RNASEK: variants seen among roughly 807,000 people sequenced by gnomAD.
RNASEK encodes the protein ribonuclease K, also known as ribonuclease kappa.
Under a neutral mutation model 11.2 loss-of-function variants are expected in RNASEK, and 7 were observed. The observed-to-expected ratio is 0.62, with a 90% CI of 0.35 to 1.17. The LOEUF (loss-of-function observed/expected upper bound fraction) is 1.17. Among genes scored for constraint, RNASEK ranks in the 50% most tolerant of loss-of-function variants. The probability of loss-of-function intolerance (pLI) is 0.02; values close to 1 mark genes in which losing one functional copy is unlikely to be tolerated. For missense variants in RNASEK, 101 were observed against 126.7 expected, an observed-to-expected ratio of 0.80 and a Z score of 0.97; for synonymous variants, 46 against 49.5, an observed-to-expected ratio of 0.93 and a Z score of 0.30.
At chr17:7,013,510 G>C (rs550820234) in intron 1 of RNASEK, 156 bp from the exon 2 acceptor site, 10 of 1,584,256 alleles carry the variant, frequency 6.3e-6, no homozygotes, top group Non-Finnish European at 8.6e-6. Flanking sequence ...CTCACGCCCT[G>C]TTCCAGGTGG....
At position 7,014,361 on chromosome 17, in the gene RNASEK, C is replaced by A; in HGVS notation, c.*75C>A. On this transcript the variant is annotated 3_prime_UTR_variant, in exon 3 of 3. Coordinates refer to ENST00000593646, the MANE Select transcript of RNASEK (RefSeq NM_001004333.5). The surrounding 1 kb of genome is among the most constrained non-coding windows in gnomAD (Gnocchi z 4.5). The stretch of plus-strand genomic sequence containing the variant: ...CTGCACCGTGTCACCCAGGTCGCGT[C>A]CCACCCTTGCCGGCGCCCTCTGCGG... 1 of 1,515,498 alleles carries A rather than the reference C, an allele frequency of 6.6e-7. No homozygotes were observed. The highest frequency in any genetic ancestry group is 9.0e-7 in the Non-Finnish European group (1 of 1,105,688). 93.9% of individuals were successfully genotyped at this position (1,515,498 alleles called of 1,614,324 possible). A position where few individuals can be genotyped will look rare whatever the true frequency, so the allele number is the denominator to read the frequency against.
intron 2 of RNASEK, 190 bp from the exon 3 acceptor site, chr17:7,013,955 A>G (rs1452370256): frequency 1.7e-5 from 12 of 696,260 alleles, no homozygotes; most frequent in Non-Finnish European, 2.9e-5. Flanking sequence ...CTCTTTAGGT[A>G]TTTTACTTTT....
At chr17:7,013,153 C>CGGAGGGCCCTGGAGT (rs1341285170) in intron 1 of RNASEK, 1 of 513,862 alleles carries the variant, frequency 1.9e-6, no homozygotes, top group Non-Finnish European at 3.4e-6. Context: ...GGAACTGGAG[C>CGGAGGGCCCTGGAGT]GGAGGGCCCT....
Position 7,013,692 on chromosome 17 carries a change from C to G in RNASEK, c.105C>G (p.Val35=). The change falls in exon 2 of 3, where the codon GTC becomes GTG. Residue 35 remains valine (V), a synonymous_variant. Coordinates refer to ENST00000593646, the MANE Select transcript of RNASEK (RefSeq NM_001004333.5). ...TAATGCTCGGAATATTTTTCAATGT[C>G]CATTCCGCTGTGTTGATTGAGGACG... ...MLIMLGIFFN[V]HSAVLIEDVP... The G allele has an allele frequency of 6.2e-7, 1 of 1,613,760 alleles. No homozygotes were observed. The highest frequency in any genetic ancestry group is 8.5e-7 in the Non-Finnish European group (1 of 1,179,662).
chr17:7,013,795 C>A (rs1437969202), intron 2 of RNASEK, 53 bp downstream of exon 2: 2 of 1,372,238 alleles, frequency 1.5e-6, no homozygotes, highest in Non-Finnish European at 2.1e-6. Flanking sequence ...GGTGGCGAGG[C>A]CTAGGGTCAG....
chr17:7,013,172 A>G (rs1054680940), intron 1 of RNASEK: 8 of 566,168 alleles, frequency 1.4e-5, no homozygotes, highest in African/African-American at 7.6e-5. Context: ...CTGGAGTGGG[A>G]GGAGCCAGGG....
chr17:7,013,642 A>C (rs752902976), intron 1 of RNASEK, 24 bp from the exon 2 acceptor site: 22 of 1,608,336 alleles, frequency 1.4e-5, no homozygotes, highest in East Asian at 8.9e-5. Context: ...TGAATTCAAC[A>C]GTCTACCCAT....
intron 1 of RNASEK, 52 bp downstream of exon 1, chr17:7,012,813 G>A (rs1356210252): frequency 1.3e-6 from 2 of 1,528,976 alleles, no homozygotes. Flanking sequence ...GCTCCGGGCT[G>A]GGAGGGCTGG....
rs899226622 is a variant in RNASEK, at chr17:7,014,043, G to A, written c.156-102G>A. 1 of 1,089,080 alleles carries A rather than the reference G, an allele frequency of 9.2e-7. No homozygotes were observed. Among genetic ancestry groups the A allele is most frequent in the Non-Finnish European group, 1.4e-6 (1 of 738,420 alleles). The allele number at this position is 1,089,080 out of a possible 1,614,324, so 67.5% of individuals were successfully genotyped here. A position where few individuals can be genotyped will look rare whatever the true frequency, so the allele number is the denominator to read the frequency against. ...AGGATGGTCAAGAAGATTGAATAAA[G>A]TAATACACGTAACAGCGCCTAAACA... On this transcript the variant is annotated intron_variant, in intron 2 of 2. Transcript: ENST00000593646. This position sits in a 1 kb window ranked among gnomAD's most constrained non-coding sequence, Gnocchi z 4.5.
chr17:7,014,335 C>G lies in RNASEK; in HGVS notation c.*49C>G, dbSNP rs756945368. ...CAGCCCCTCCTCTATTTAAAGACTC[C>G]CTGCACCGTGTCACCCAGGTCGCGT... On this transcript the variant is annotated 3_prime_UTR_variant, in exon 3 of 3. Coordinates refer to ENST00000593646, the MANE Select transcript of RNASEK (RefSeq NM_001004333.5). The surrounding 1 kb of genome is among the most constrained non-coding windows in gnomAD (Gnocchi z 4.5). 2 of 1,601,190 alleles carry G rather than the reference C, an allele frequency of 1.2e-6. No homozygotes were observed. Among genetic ancestry groups the G allele is most frequent in the Admixed American group, 3.4e-5 (2 of 59,514 alleles).
intron 1 of RNASEK, chr17:7,013,065 C>G: frequency 1.7e-5 from 8 of 457,358 alleles, no homozygotes; most frequent in South Asian, 1.6e-4. Flanking sequence ...GCGGAGGGTG[C>G]AGTGAGCCGA....
chr17:7,013,515 A>T, intron 1 of RNASEK, 151 bp from the exon 2 acceptor site: 1 of 1,589,204 alleles, frequency 6.3e-7, no homozygotes, highest in Non-Finnish European at 8.5e-7. Flanking sequence ...GCCCTGTTCC[A>T]GGTGGCTGAG....
In RNASEK at chr17:7,013,354, T is replaced by A. The variant is rs1250301704; in HGVS notation, c.79-312T>A. On this transcript the variant is annotated intron_variant, in intron 1 of 2. Coordinates refer to ENST00000593646, the MANE Select transcript of RNASEK (RefSeq NM_001004333.5). ...ACCGCCACTTCAAGAAGAAATGATA[T>A]GAAGAAGTGCCGGTTCTCCCTCCCC... 14 of 1,529,356 alleles carry A rather than the reference T, an allele frequency of 9.2e-6. 1 individual carries two copies. The East Asian group carries it at 2.5e-4, about 27-fold the overall frequency. 94.7% of individuals were successfully genotyped at this position (1,529,356 alleles called of 1,614,324 possible).
rs757099846 is a variant in RNASEK at position 7,014,524 on chromosome 17, C to T, written c.*238C>T. 7 of 609,468 alleles carry T rather than the reference C, an allele frequency of 1.1e-5. No homozygotes were observed. Among genetic ancestry groups the T allele is most frequent in the Non-Finnish European group, 1.7e-5 (6 of 345,686 alleles). The allele number at this position is 609,468 out of a possible 1,614,324, so 37.8% of individuals were successfully genotyped here. On this transcript the variant is annotated 3_prime_UTR_variant, in exon 3 of 3. Transcript: ENST00000593646. This position sits in a 1 kb window ranked among gnomAD's most constrained non-coding sequence, Gnocchi z 4.5. ...CCCGTATCTCAATAAAGAGAATCTGCTCTCTTCAGCCCTGTGTCTGTGCTT... is the reference window on the plus strand; with the variant it reads ...CCCGTATCTCAATAAAGAGAATCTGTTCTCTTCAGCCCTGTGTCTGTGCTT...
chr17:7,014,276 T>A lies in RNASEK; in HGVS notation c.287T>A (p.Met96Lys). Reference sequence around the variant, plus strand: ...CGGCTCAATAAGCGCAAGGAATACATGGTGCGCTAGGGCCCCGGCGCGTTT... The same window carrying A: ...CGGCTCAATAAGCGCAAGGAATACAAGGTGCGCTAGGGCCCCGGCGCGTTT... The part of the protein sequence containing the change: ...QVRLNKRKEY[M>K]VR The change falls in exon 3 of 3, where the codon ATG (methionine) becomes AAG (lysine). Residue 96 changes from methionine (M) to lysine (K), a missense_variant. Coordinates refer to ENST00000593646, the MANE Select transcript of RNASEK (RefSeq NM_001004333.5). The surrounding 1 kb of genome is among the most constrained non-coding windows in gnomAD (Gnocchi z 4.5). 6.2e-7 allele frequency: 1 copy of A among 1,613,852 alleles called. No individual in the cohort carries two copies. The highest frequency in any genetic ancestry group is 8.5e-7 in the Non-Finnish European group (1 of 1,179,836).
In RNASEK at chr17:7,014,064, A is replaced by G. The variant is rs1370586892; in HGVS notation, c.156-81A>G. 2.3e-6 allele frequency: 3 copies of G among 1,313,692 alleles called. No homozygotes were observed. The African/African-American group carries it at 4.4e-5, about 19-fold the overall frequency. 81.4% of individuals were successfully genotyped at this position (1,313,692 alleles called of 1,614,324 possible). ...TAAAGTAATACACGTAACAGCGCCT[A>G]AACAGGTGTCGGGCACATAGTGCTC... On this transcript the variant is annotated intron_variant, in intron 2 of 2. Transcript: ENST00000593646. This position sits in a 1 kb window ranked among gnomAD's most constrained non-coding sequence, Gnocchi z 4.5.
In RNASEK at chr17:7,012,713, G is replaced by T. The variant is rs1909488699; in HGVS notation, c.30G>T (p.Lys10Asn). The T allele has an allele frequency of 6.2e-7, 1 of 1,613,348 alleles. No individual in the cohort carries two copies. The change falls in exon 1 of 3, where the codon AAG (lysine) becomes AAT (asparagine). Residue 10 changes from lysine (K) to asparagine (N), a missense_variant. Lys to Asn is a moderately conservative substitution (Grantham distance 94, BLOSUM62 0). Transcript: ENST00000593646. MASLLCCGP[K>N]LAACGIVLSA... ...CGTCGCTCCTGTGCTGTGGGCCGAAGCTGGCCGCCTGCGGCATCGTCCTCA... is the reference window on the plus strand; with the variant it reads ...CGTCGCTCCTGTGCTGTGGGCCGAATCTGGCCGCCTGCGGCATCGTCCTCA...
chr17:7,012,969 A>G lies in RNASEK; in HGVS notation c.78+208A>G, dbSNP rs993254736. 6 of 580,226 alleles carry G rather than the reference A, an allele frequency of 1.0e-5. No homozygotes were observed. In the East Asian group the frequency reaches 1.8e-4, roughly 17 times the overall value. 35.9% of individuals were successfully genotyped at this position (580,226 alleles called of 1,614,324 possible). On this transcript the variant is annotated intron_variant, in intron 1 of 2. Coordinates refer to ENST00000593646, the MANE Select transcript of RNASEK (RefSeq NM_001004333.5). ...GTGAAACCCCGTCTCCAATAAAAAT[A>G]CAAAAATTAGCCGGGCGTGGTGGCG...
chr17:7,013,829 C>CT, intron 2 of RNASEK, 87 bp downstream of exon 2: 1 of 1,057,380 alleles, frequency 9.5e-7, no homozygotes, highest in South Asian at 1.3e-5. Context: ...AGGCCCGGTG[C>CT]TTAGGGCCCC....
Sources: gnomAD v4.1 joint callset for allele counts on GRCh38, gnomAD v4.1.1 for gene constraint, Gnocchi (gnomAD v3.1) non-coding constraint, MANE v1.5 for transcripts, NCBI Gene and HGNC (gene_info 2026-07-23, HGNC 2026-07-21) for gene names.